MAP3K13: variants seen among roughly 807,000 people sequenced by gnomAD.
MAP3K13 encodes mitogen-activated protein kinase kinase kinase 13, also known as leucine zipper-bearing kinase.
MAP3K13 carries 52 observed loss-of-function variants against 104.0 expected under a neutral mutation model. That is an observed-to-expected ratio of 0.50 (90% CI 0.40 to 0.63). The LOEUF (loss-of-function observed/expected upper bound fraction) is 0.63, where lower values mean the gene tolerates loss of function less well. Ranked by LOEUF, MAP3K13 falls within the 20% of genes least tolerant of loss-of-function variation. The probability of loss-of-function intolerance (pLI) is 0.00; values close to 1 mark genes in which losing one functional copy is unlikely to be tolerated. For missense variants in MAP3K13, 914 were observed against 1,218.5 expected, an observed-to-expected ratio of 0.75 and a Z score of 3.72; for synonymous variants, 394 against 442.2, an observed-to-expected ratio of 0.89 and a Z score of 1.37.
chr3:185,419,616 A>G (rs985333960), intron 1 of MAP3K13, among the ~76,000 whole-genome samples: 1 of 152,180 alleles, frequency 6.6e-6, no homozygotes, highest in Non-Finnish European at 1.5e-5. Flanking sequence ...TATGCCTATT[A>G]ATATTTATAT....
At chr3:185,448,282 G>C (rs891761635) in intron 5 of MAP3K13, among the ~76,000 whole-genome samples, 1 of 152,100 alleles carries the variant, frequency 6.6e-6, no homozygotes, top group Non-Finnish European at 1.5e-5. Context: ...TCACCTTCTT[G>C]AGTAAAGTAC....
chr3:185,353,973 C>T (rs1261394308), intron 2 of MAP3K13, among the ~76,000 whole-genome samples: 1 of 152,062 alleles, frequency 6.6e-6, no homozygotes, highest in Non-Finnish European at 1.5e-5. Flanking sequence ...GGTGGCAGTG[C>T]AGACTGGGAC....
chr3:185,286,063 C>T (rs1308513001), intron 2 of MAP3K13, among the ~76,000 whole-genome samples: 1 of 151,960 alleles, frequency 6.6e-6, no homozygotes, highest in Non-Finnish European at 1.5e-5. Flanking sequence ...TATCTTGTGC[C>T]TCAGGTTTAA....
chr3:185,410,579 T>C (rs1346848284), intron 1 of MAP3K13, among the ~76,000 whole-genome samples: 1 of 152,210 alleles, frequency 6.6e-6, no homozygotes, highest in East Asian at 1.9e-4. Flanking sequence ...ATGTATTGTA[T>C]GTATTGAAAC....
At position 185,418,920 on chromosome 3, in the gene MAP3K13, A is replaced by T; in HGVS notation, c.-85-9577A>T. On this transcript the variant is annotated intron_variant, in intron 1 of 13. Transcript: ENST00000265026. This position sits in a 1 kb window ranked among gnomAD's most constrained non-coding sequence, Gnocchi z 4.5. ...TTTTCTAGAATCAAATGTGAATCTC[A>T]TTAGTAGAAAAGGTAAAAACAAAAT... The T allele has an allele frequency of 1.1e-6, 1 of 929,746 alleles. No homozygotes were observed. The allele number at this position is 929,746 out of a possible 1,614,324, so 57.6% of individuals were successfully genotyped here.
upstream of MAP3K13, among the ~76,000 whole-genome samples, chr3:185,360,015 G>A (rs144962622): frequency 6.6e-6 from 1 of 150,410 alleles, no homozygotes; most frequent in East Asian, 1.9e-4. Flanking sequence ...TCTATATATA[G>A]ATTTTTATCT....
At chr3:185,388,518 A>C (rs920578178) in intron 1 of MAP3K13, among the ~76,000 whole-genome samples, 1 of 152,126 alleles carries the variant, frequency 6.6e-6, no homozygotes, top group Non-Finnish European at 1.5e-5. Context: ...AGAAAAAAGA[A>C]GAAGAAAATT....
In MAP3K13 at chr3:185,418,526, G is replaced by A. The variant is rs1713932439; in HGVS notation, c.-85-9971G>A. 3 of 1,611,972 alleles carry A rather than the reference G, an allele frequency of 1.9e-6. No homozygotes were observed. Among genetic ancestry groups the A allele is most frequent in the South Asian group, 1.1e-5 (1 of 90,982 alleles). ...CCAAAAGCACCCTGGCCAGAGCGGT[G>A]AGTCCCACCACCTCGAACTCTGGGA... On this transcript the variant is annotated intron_variant, in intron 1 of 13. Coordinates refer to ENST00000265026, the MANE Select transcript of MAP3K13 (RefSeq NM_004721.5). This position sits in a 1 kb window ranked among gnomAD's most constrained non-coding sequence, Gnocchi z 4.5.
Position 185,418,784 on chromosome 3 carries a change from A to G in MAP3K13, c.-85-9713A>G, listed in dbSNP as rs1577534320. 6.3e-7 allele frequency: 1 copy of G among 1,596,946 alleles called. No homozygotes were observed. Among genetic ancestry groups the G allele is most frequent in the Non-Finnish European group, 8.6e-7 (1 of 1,167,688 alleles). ...ATTGGGCGAGCACACGCCATGGCGG[A>G]GAGAGGAGACAGCCACGCTCCTCTC... On this transcript the variant is annotated intron_variant, in intron 1 of 13. Transcript: ENST00000265026. This position sits in a 1 kb window ranked among gnomAD's most constrained non-coding sequence, Gnocchi z 4.5.
chr3:185,395,382 G>A (rs552995442), intron 1 of MAP3K13, among the ~76,000 whole-genome samples: 350 of 1,658 alleles, frequency 0.21, 19 homozygotes, highest in African/African-American at 0.34. Flanking sequence ...TTTTTGAGAC[G>A]GAGTCTCGCT....
chr3:185,453,791 T>A lies in MAP3K13; in HGVS notation c.1278+2396T>A, dbSNP rs576263542. 1.2e-3 allele frequency among the ~76,000 whole-genome samples: 75 copies of A among 63,618 alleles called. 3 individuals are homozygous for A. Among genetic ancestry groups the A allele is most frequent in the African/African-American group, 3.0e-3 (69 of 23,102 alleles). The allele number at this position is 63,618 out of a possible 152,430, so 41.7% of individuals were successfully genotyped here. ...CTAAAAAAAAAAAAAATTATATATA[T>A]ATATGAGATATATATATATGATACA... On this transcript the variant is annotated intron_variant, in intron 7 of 13. Transcript: ENST00000265026.
intron 1 of MAP3K13, among the ~76,000 whole-genome samples, chr3:185,409,363 G>T (rs1198711530): frequency 6.6e-6 from 1 of 152,108 alleles, no homozygotes; most frequent in African/African-American, 2.4e-5. Context: ...GCGAGACCCT[G>T]TCTCTAATTA....
At chr3:185,446,992 C>G (rs964606490) in intron 4 of MAP3K13, among the ~76,000 whole-genome samples, 1 of 152,160 alleles carries the variant, frequency 6.6e-6, no homozygotes, top group Non-Finnish European at 1.5e-5. Context: ...CTTAGACATC[C>G]AGCGAGGTCT....
chr3:185,362,961 A>ACACACG (rs1553794022), upstream of MAP3K13: 1 of 239,198 alleles, frequency 4.2e-6, no homozygotes, highest in Non-Finnish European at 6.7e-6. Flanking sequence ...ACACACGCAC[A>ACACACG]CACACACACA....
chr3:185,294,059 CT>C (rs1358462278), intron 2 of MAP3K13, among the ~76,000 whole-genome samples: 1 of 152,074 alleles, frequency 6.6e-6, no homozygotes, highest in Admixed American at 6.5e-5. Context: ...CAAAACCCTC[CT>C]TTTAGCATTA....
At chr3:185,445,997 A>G (rs1560110384) in intron 4 of MAP3K13, among the ~76,000 whole-genome samples, 1 of 152,192 alleles carries the variant, frequency 6.6e-6, no homozygotes, top group Admixed American at 6.5e-5. Context: ...CATTTTCACT[A>G]AGACTAACAC....
At position 185,371,736 on chromosome 3, in the gene MAP3K13, C is replaced by CAGTTT. The variant is rs1477385016; in HGVS notation, c.-86+8368_-86+8369insAGTTT. 5.3e-5 allele frequency among the ~76,000 whole-genome samples: 8 copies of CAGTTT among 152,272 alleles called. No individual in the cohort carries two copies. In the East Asian group the frequency reaches 1.5e-3, roughly 29 times the overall value. On this transcript the variant is annotated intron_variant, in intron 1 of 13. Transcript: ENST00000265026. ...ATGAGGCAGGTGGCAGCCAGGACAG[C>CAGTTT]CGTTTCCACCTTAAACAGAAGGGAG...
At chr3:185,312,927 TAAAG>T (rs1334421225) in intron 2 of MAP3K13, among the ~76,000 whole-genome samples, 6 of 151,932 alleles carry the variant, frequency 3.9e-5, no homozygotes, top group African/African-American at 1.5e-4. Context: ...ATAAAAATAA[TAAAG>T]AAATAGAAAA....
chr3:185,448,776 A>T (rs992222323), intron 5 of MAP3K13, among the ~76,000 whole-genome samples: 10 of 152,150 alleles, frequency 6.6e-5, no homozygotes, highest in African/African-American at 2.2e-4. Context: ...TCATATAGGT[A>T]AAAAAACGGT....
Sources: gnomAD v4.1 joint callset for allele counts (sites outside exome capture counted in the v4.1 genomes callset) on GRCh38, gnomAD v4.1.1 for gene constraint, Gnocchi (gnomAD v3.1) non-coding constraint, MANE v1.5 for transcripts, NCBI Gene and HGNC (gene_info 2026-07-23, HGNC 2026-07-21) for gene names.